Variants in SULT1E1 observed in about 807,000 individuals in gnomAD.
The protein encoded by SULT1E1 is sulfotransferase family 1E member 1.
A neutral mutation model predicts 33.6 loss-of-function variants in SULT1E1; 36 were observed. The observed-to-expected ratio is 1.07, with a 90% CI of 0.82 to 1.41. The LOEUF (loss-of-function observed/expected upper bound fraction) is 1.41. Ranked by LOEUF, SULT1E1 falls within the 40% of genes most tolerant of loss-of-function variation. The pLI is 0.00. For missense variants in SULT1E1, 371 were observed against 345.7 expected, an observed-to-expected ratio of 1.07 and a Z score of -0.58; for synonymous variants, 121 against 111.7, an observed-to-expected ratio of 1.08 and a Z score of -0.53.
intron 6 of SULT1E1, among the ~76,000 whole-genome samples, chr4:69,846,147 A>T (rs899991981): frequency 6.7e-6 from 1 of 150,060 alleles, no homozygotes; most frequent in Non-Finnish European, 1.5e-5. Context: ...TTTAAAAATT[A>T]TGAGATATAT....
the SULT1E1 span, among the ~76,000 whole-genome samples, chr4:69,827,213 C>T: frequency 1.3e-5 from 2 of 152,132 alleles, no homozygotes; most frequent in African/African-American, 4.8e-5. Flanking sequence ...ATTGTTAGAC[C>T]AAACCCTGGC....
At chr4:69,854,124 A>G (rs1578106050) in intron 4 of SULT1E1, 93 bp downstream of exon 4, 4 of 794,718 alleles carry the variant, frequency 5.0e-6, no homozygotes, top group East Asian at 2.6e-5. Context: ...AGATTCAATG[A>G]AAGAATAAAT....
downstream of SULT1E1, among the ~76,000 whole-genome samples, chr4:69,839,313 G>A (rs1720841844): frequency 6.6e-6 from 1 of 152,144 alleles, no homozygotes; most frequent in Non-Finnish European, 1.5e-5. Context: ...TAACATAAAA[G>A]GCATCATATG....
chr4:69,828,676 T>C, the SULT1E1 span, among the ~76,000 whole-genome samples: 2 of 152,226 alleles, frequency 1.3e-5, no homozygotes, highest in African/African-American at 4.8e-5. Context: ...AACTCTCTTA[T>C]TTGTCACCAG....
chr4:69,854,853 A>C (rs747177341), intron 3 of SULT1E1, among the ~76,000 whole-genome samples: 15 of 151,988 alleles, frequency 9.9e-5, no homozygotes, highest in South Asian at 2.1e-4. Context: ...AACATCCAAA[A>C]ATGTTAATGA....
Position 69,860,127 on chromosome 4 carries a change from A to G in SULT1E1, c.-88T>C, listed in dbSNP as rs1220664986. On this transcript the variant is annotated 5_prime_UTR_variant, in exon 1 of 8. Coordinates refer to ENST00000226444, the MANE Select transcript of SULT1E1 (RefSeq NM_005420.3). ...CCAAGGCAGATCTTAAGCTGCAAAAAAAGATGAGAACCACTTCTGCATTTG... is the reference window on the plus strand; with the variant it reads ...CCAAGGCAGATCTTAAGCTGCAAAAGAAGATGAGAACCACTTCTGCATTTG... The G allele has an allele frequency of 1.3e-5, 2 of 152,146 alleles. No homozygotes were observed. The highest frequency in any genetic ancestry group is 2.9e-5 in the Non-Finnish European group (2 of 67,990). 9.4% of individuals were successfully genotyped at this position (152,146 alleles called of 1,614,324 possible). A position where few individuals can be genotyped will look rare whatever the true frequency, so the allele number is the denominator to read the frequency against.
At chr4:69,842,984 C>T (rs538808763) in intron 7 of SULT1E1, among the ~76,000 whole-genome samples, 2 of 152,040 alleles carry the variant, frequency 1.3e-5, no homozygotes, top group Admixed American at 1.3e-4. Context: ...CTACAGGCGC[C>T]CGCCACCATG....
the SULT1E1 span, among the ~76,000 whole-genome samples, chr4:69,823,081 G>A: frequency 6.6e-6 from 1 of 152,290 alleles, no homozygotes; most frequent in Non-Finnish European, 1.5e-5. Context: ...TCAGGGTAAA[G>A]CAGGAGAATC....
At chr4:69,831,466 G>A in the SULT1E1 span, among the ~76,000 whole-genome samples, 1 of 152,098 alleles carries the variant, frequency 6.6e-6, no homozygotes, top group Non-Finnish European at 1.5e-5. Flanking sequence ...CACCTTAAAT[G>A]CCCGGCCTAT....
chr4:69,847,467 T>C (rs1354876185), intron 6 of SULT1E1, among the ~76,000 whole-genome samples: 1 of 151,712 alleles, frequency 6.6e-6, no homozygotes, highest in Middle Eastern at 3.2e-3. Flanking sequence ...TCAAATTTTT[T>C]CTTTGAAATT....
At position 69,857,603 on chromosome 4, in the gene SULT1E1, G is replaced by T. The variant is rs772839892; in HGVS notation, c.42C>A (p.Val14=). Residue 14 remains valine, a synonymous_variant, in exon 2 of 8, where the codon GTC becomes GTA. Coordinates refer to ENST00000226444, the MANE Select transcript of SULT1E1 (RefSeq NM_005420.3). ...ELDYYEKFEE[V]HGILMYKDFV... ...AATCTTTATACATTAGAATCCCATG[G>T]ACTTCTTCAAACTTTTCATAATAGT... is the stretch of plus-strand genomic sequence containing the variant. 2.5e-6 allele frequency: 4 copies of T among 1,610,966 alleles called. No individual in the cohort carries two copies. The highest frequency in any genetic ancestry group is 3.4e-6 in the Non-Finnish European group (4 of 1,179,122).
chr4:69,821,904 T>G, the SULT1E1 span, among the ~76,000 whole-genome samples: 6 of 152,242 alleles, frequency 3.9e-5, no homozygotes, highest in Non-Finnish European at 7.3e-5. Context: ...TGAGGTTTGA[T>G]AATTAAATCA....
chr4:69,858,280 C>G (rs1240674018), intron 1 of SULT1E1, among the ~76,000 whole-genome samples: 2 of 151,922 alleles, frequency 1.3e-5, no homozygotes, highest in Non-Finnish European at 2.9e-5. Flanking sequence ...ACTTTTTTCC[C>G]CATTCGATCA....
chr4:69,853,187 A>T (rs1206622782), intron 4 of SULT1E1, among the ~76,000 whole-genome samples: 1 of 152,112 alleles, frequency 6.6e-6, no homozygotes, highest in Non-Finnish European at 1.5e-5. Flanking sequence ...ATACTATAAG[A>T]TCTTGAAGAA....
chr4:69,858,507 T>C (rs976805234), intron 1 of SULT1E1, among the ~76,000 whole-genome samples: 2 of 152,128 alleles, frequency 1.3e-5, no homozygotes, highest in African/African-American at 4.8e-5. Context: ...TTATTTCAAG[T>C]TTCTGACATA....
chr4:69,855,264 A>G, intron 3 of SULT1E1, 37 bp downstream of exon 3: 1 of 1,593,716 alleles, frequency 6.3e-7, no homozygotes. Context: ...ACCTTAGAAT[A>G]TATGCAAATA....
At chr4:69,847,216 T>C (rs964545590) in intron 6 of SULT1E1, among the ~76,000 whole-genome samples, 2 of 151,428 alleles carry the variant, frequency 1.3e-5, no homozygotes, top group Non-Finnish European at 3.0e-5. Context: ...TATTTGGCTA[T>C]TTTTTTTCAA....
At chr4:69,849,351 C>G in intron 5 of SULT1E1, 86 bp downstream of exon 5, 1 of 1,494,624 alleles carries the variant, frequency 6.7e-7, no homozygotes, top group Non-Finnish European at 9.1e-7. Context: ...GAAAACGTAC[C>G]AGAACAGTTA....
At chr4:69,832,481 G>A in the SULT1E1 span, among the ~76,000 whole-genome samples, 20 of 152,272 alleles carry the variant, frequency 1.3e-4, no homozygotes, top group East Asian at 9.6e-4. Context: ...ACTGGGCCCC[G>A]AACAAAGACA....
Sources: allele counts gnomAD v4.1 joint callset (sites outside exome capture counted in the v4.1 genomes callset), GRCh38; gene constraint gnomAD v4.1.1; transcripts MANE v1.5; gene names NCBI Gene and HGNC (gene_info 2026-07-23, HGNC 2026-07-21).